The following SIK3 variants were observed in gnomAD, a reference collection of about 807,000 sequenced individuals.
The protein encoded by SIK3 is serine/threonine-protein kinase SIK3.
A neutral mutation model predicts 144.2 loss-of-function variants in SIK3; 28 were observed. That is an observed-to-expected ratio of 0.19 (90% confidence interval 0.14 to 0.27). The LOEUF is 0.27. Among genes scored for constraint, SIK3 ranks in the 10% least tolerant of loss-of-function variants. The pLI, the probability that SIK3 is intolerant of heterozygous loss-of-function variation, is 1.00. For synonymous variants in SIK3, 686 were observed against 676.3 expected, an observed-to-expected ratio of 1.01 and a Z score of -0.22; for missense variants, 1,319 against 1,776.0, an observed-to-expected ratio of 0.74 and a Z score of 4.62.
intron 1 of SIK3, among the ~76,000 whole-genome samples, chr11:117,013,915 GGT>G (rs71037441): frequency 2.1e-4 from 5 of 23,648 alleles, no homozygotes; most frequent in African/African-American, 3.5e-4. Context: ...GGGGGGGGAG[GGT>G]GTGTGTGTGT....
intron 1 of SIK3, among the ~76,000 whole-genome samples, chr11:117,086,627 G>A: frequency 6.6e-6 from 1 of 151,902 alleles, no homozygotes; most frequent in South Asian, 2.1e-4. Context: ...GGAGGCAGAG[G>A]TTGCAGTGAG....
At chr11:116,898,198 C>G (rs190051172) in intron 4 of SIK3, among the ~76,000 whole-genome samples, 11,194 of 149,086 alleles carry the variant, frequency 0.075, 488 homozygotes, top group African/African-American at 0.11. Flanking sequence ...TTGTTCAATT[C>G]CCACCTATGA....
chr11:117,095,192 TAAAAAAAA>T lies in SIK3; in HGVS notation c.273+2943_273+2950del, dbSNP rs3057848. Among the ~76,000 whole-genome samples, 59 of 122,172 alleles carry T rather than the reference TAAAAAAAA, an allele frequency of 4.8e-4. No individual in the cohort carries two copies. The Middle Eastern group carries it at 0.023, about 48-fold the overall frequency. 80.1% of individuals were successfully genotyped at this position (122,172 alleles called of 152,430 possible). Reference sequence around the variant, plus strand: ...GTTCTTGGAATGGGTCATGTGTGTTTAAAAAAAAAAAAAAAAAAAAAAAGGAGGGGGAT... The same window carrying T: ...GTTCTTGGAATGGGTCATGTGTGTTTAAAAAAAAAAAAAAAGGAGGGGGAT... On this transcript the variant is annotated intron_variant, in intron 1 of 24. Coordinates refer to ENST00000445177, the MANE Select transcript of SIK3 (RefSeq NM_001366686.3).
Position 116,859,426 on chromosome 11 carries a change from G to A in SIK3, c.2604C>T (p.Asn868=). 2.5e-6 allele frequency: 4 copies of A among 1,614,234 alleles called. No individual in the cohort carries two copies. The highest frequency in any genetic ancestry group is 2.5e-6 in the Non-Finnish European group (3 of 1,180,042). Residue 868 remains asparagine (N), a synonymous_variant, in exon 20 of 25, where the codon AAC becomes AAT. Coordinates refer to ENST00000445177, the MANE Select transcript of SIK3 (RefSeq NM_001366686.3). The part of the protein sequence containing the change: ...QVQEPVDMLS[N]MPGTAAGSSG... ...TGGAGCCTGCAGCTGTGCCTGGCAT[G>A]TTGCTGAGCATGTCAACAGGCTCTT... is the stretch of plus-strand genomic sequence containing the variant.
At chr11:117,039,197 A>C (rs1428562691) in intron 1 of SIK3, among the ~76,000 whole-genome samples, 2 of 152,254 alleles carry the variant, frequency 1.3e-5, no homozygotes, top group African/African-American at 4.8e-5. Context: ...AAGCATAATT[A>C]ATAAACCTTA....
In SIK3 at chr11:116,849,104, G is replaced by T. The variant is rs376061352; in HGVS notation, c.3819+16C>A. 8 of 1,570,490 alleles carry T rather than the reference G, an allele frequency of 5.1e-6. No homozygotes were observed. The highest frequency in any genetic ancestry group is 1.3e-5 in the African/African-American group (1 of 74,286). ...TGGGAGGATCCACCTCTGTGCAGCA[G>T]GTGGGACCAACATACATAAGCATCG... On this transcript the variant is annotated intron_variant, in intron 22 of 24. Transcript: ENST00000445177. The surrounding 1 kb of genome is among the most constrained non-coding windows in gnomAD (Gnocchi z 4.2).
intron 1 of SIK3, among the ~76,000 whole-genome samples, chr11:117,056,292 G>A (rs1299661761): frequency 3.3e-5 from 5 of 152,000 alleles, no homozygotes; most frequent in South Asian, 2.1e-4. Context: ...ATCAAACACC[G>A]CATGTTCTCA....
intron 1 of SIK3, among the ~76,000 whole-genome samples, chr11:117,029,402 A>T (rs1052275292): frequency 6.6e-6 from 1 of 152,168 alleles, no homozygotes; most frequent in Non-Finnish European, 1.5e-5. Context: ...GGCTGCAGTG[A>T]GCCAAGATTG....
At chr11:116,989,208 C>G (rs1950420774) in intron 1 of SIK3, among the ~76,000 whole-genome samples, 1 of 151,404 alleles carries the variant, frequency 6.6e-6, no homozygotes, top group Non-Finnish European at 1.5e-5. Context: ...TTTTTTTTTC[C>G]CCGCATGTTC....
chr11:116,913,009 T>G lies in SIK3; in HGVS notation c.616+14210A>C, dbSNP rs147116575. ...TTAAATCTGCTTTTCCTATATAATG[T>G]CACTGGCCAAACCATATGACCTAAG... On this transcript the variant is annotated intron_variant, in intron 4 of 24. Coordinates refer to ENST00000445177, the MANE Select transcript of SIK3 (RefSeq NM_001366686.3). Among the ~76,000 whole-genome samples the G allele has an allele frequency of 9.7e-4, 148 of 152,316 alleles. 3 individuals carry two copies. In the East Asian group the frequency reaches 0.028, roughly 29 times the overall value.
At chr11:116,970,273 G>C (rs964208880) in intron 1 of SIK3, among the ~76,000 whole-genome samples, 2 of 152,118 alleles carry the variant, frequency 1.3e-5, no homozygotes, top group African/African-American at 4.8e-5. Flanking sequence ...GTGAGACCCT[G>C]ACTATAAAAA....
intron 1 of SIK3, among the ~76,000 whole-genome samples, chr11:117,050,043 T>C (rs1189405004): frequency 6.6e-6 from 1 of 151,502 alleles, no homozygotes; most frequent in Non-Finnish European, 1.5e-5. Flanking sequence ...GTAATCCCAA[T>C]GCTCTGGGAG....
chr11:117,079,303 A>G (rs1042249921), intron 1 of SIK3, among the ~76,000 whole-genome samples: 1 of 152,236 alleles, frequency 6.6e-6, no homozygotes, highest in East Asian at 1.9e-4. Flanking sequence ...CTAAGTATCT[A>G]TTGGAGTTTT....
intron 6 of SIK3, among the ~76,000 whole-genome samples, chr11:116,895,240 T>C (rs1945334613): frequency 6.6e-6 from 1 of 152,162 alleles, no homozygotes; most frequent in Non-Finnish European, 1.5e-5. Context: ...CCGCGGCCTC[T>C]GCGCTGACCC....
chr11:117,004,192 G>C (rs1041005197), intron 1 of SIK3, among the ~76,000 whole-genome samples: 1 of 152,120 alleles, frequency 6.6e-6, no homozygotes, highest in Non-Finnish European at 1.5e-5. Flanking sequence ...CAAGTTCAAT[G>C]AATCTACCTT....
chr11:116,862,431 G>A, intron 16 of SIK3, 104 bp from the exon 17 acceptor site: 1 of 1,471,372 alleles, frequency 6.8e-7, no homozygotes. Context: ...GGCAGAAAGA[G>A]CCGCAAGAGA....
Position 117,061,347 on chromosome 11 carries a change from G to A in SIK3, c.273+36796C>T, listed in dbSNP as rs529643946. Among the ~76,000 whole-genome samples, 31 of 152,222 alleles carry A rather than the reference G, an allele frequency of 2.0e-4. No individual in the cohort carries two copies. The South Asian group carries it at 4.6e-3, about 22-fold the overall frequency. On this transcript the variant is annotated intron_variant, in intron 1 of 24. Transcript: ENST00000445177. Reference sequence around the variant, plus strand: ...ATGTCTGTTGTGTGTGTGTGTGAGCGAACACGCATGTGGTAAAGCAATATA... The same window carrying A: ...ATGTCTGTTGTGTGTGTGTGTGAGCAAACACGCATGTGGTAAAGCAATATA...
At chr11:116,978,162 G>A (rs1425008368) in intron 1 of SIK3, among the ~76,000 whole-genome samples, 1 of 151,834 alleles carries the variant, frequency 6.6e-6, no homozygotes, top group East Asian at 1.9e-4. Flanking sequence ...AGGTTGTGGT[G>A]AGCCGAAATC....
intron 1 of SIK3, among the ~76,000 whole-genome samples, chr11:117,029,009 A>T (rs1197412965): frequency 6.6e-6 from 1 of 151,328 alleles, no homozygotes; most frequent in East Asian, 2.0e-4. Flanking sequence ...CCTGGGTTCA[A>T]GTGATTTTCC....
Sources: allele counts gnomAD v4.1 joint callset (sites outside exome capture counted in the v4.1 genomes callset), GRCh38; gene constraint gnomAD v4.1.1; non-coding constraint Gnocchi (gnomAD v3.1); transcripts MANE v1.5; gene names NCBI Gene and HGNC (gene_info 2026-07-23, HGNC 2026-07-21).